The following WASHC2C variants were observed in gnomAD, a reference collection of about 807,000 sequenced individuals.
WASHC2C encodes WASH complex subunit 2C, also known as Vaccinia Penetration Factor.
A neutral mutation model predicts 142.2 loss-of-function variants in WASHC2C; 73 were observed. The observed-to-expected ratio is 0.51, with a 90% CI of 0.43 to 0.62. WASHC2C has a LOEUF of 0.62. Ranked by LOEUF, WASHC2C falls within the 20% of genes least tolerant of loss-of-function variation. The pLI is 0.00. For missense variants in WASHC2C, 969 were observed against 1,531.7 expected, an observed-to-expected ratio of 0.63 and a Z score of 6.13; for synonymous variants, 337 against 565.5, an observed-to-expected ratio of 0.60 and a Z score of 5.73.
intron 21 of WASHC2C, among the ~76,000 whole-genome samples, chr10:45,775,233 T>A (rs1407836487): frequency 1.3e-5 from 2 of 149,096 alleles, no homozygotes; most frequent in Non-Finnish European, 3.0e-5. Context: ...ACGCCTGTAA[T>A]CCCAACACTT....
At chr10:45,769,322 G>T in intron 19 of WASHC2C, 127 bp from the exon 20 acceptor site, 1 of 1,437,330 alleles carries the variant, frequency 7.0e-7, no homozygotes, top group South Asian at 1.3e-5. Context: ...GTTTCACCGT[G>T]TTAGCAAGGA....
At chr10:45,727,810 C>G (rs1456477253) in intron 2 of WASHC2C, among the ~76,000 whole-genome samples, 4 of 152,014 alleles carry the variant, frequency 2.6e-5, no homozygotes, top group Non-Finnish European at 5.9e-5. Context: ...TTCCGCCACA[C>G]TGAGGGATTG....
At chr10:45,758,447 G>A (rs1445194827) in intron 16 of WASHC2C, among the ~76,000 whole-genome samples, 1 of 151,974 alleles carries the variant, frequency 6.6e-6, no homozygotes, top group Non-Finnish European at 1.5e-5. Context: ...CTGTTAGCGG[G>A]CACAAACCAC....
At chr10:45,748,795 G>A (rs2053173974) in intron 8 of WASHC2C, among the ~76,000 whole-genome samples, 1 of 152,014 alleles carries the variant, frequency 6.6e-6, no homozygotes, top group African/African-American at 2.4e-5. Context: ...GTGTACCTTT[G>A]GAAAAATTAG....
intron 3 of WASHC2C, among the ~76,000 whole-genome samples, chr10:45,734,822 G>A (rs1201422422): frequency 2.0e-5 from 3 of 152,024 alleles, no homozygotes; most frequent in African/African-American, 7.2e-5. Flanking sequence ...CTGGGCTCAA[G>A]CCATCCTCCC....
intron 3 of WASHC2C, among the ~76,000 whole-genome samples, chr10:45,732,341 A>G (rs1397301138): frequency 6.6e-5 from 10 of 152,204 alleles, no homozygotes; most frequent in Non-Finnish European, 1.0e-4. Flanking sequence ...AGGGCAAGAG[A>G]AATTAGTACC....
chr10:45,735,990 C>T (rs2051178191), intron 3 of WASHC2C, among the ~76,000 whole-genome samples: 1 of 151,976 alleles, frequency 6.6e-6, no homozygotes, highest in Admixed American at 6.6e-5. Flanking sequence ...CAGTTTCAGC[C>T]AGGCACAATG....
At chr10:45,771,228 C>T (rs1487573113) in intron 20 of WASHC2C, among the ~76,000 whole-genome samples, 1 of 151,668 alleles carries the variant, frequency 6.6e-6, no homozygotes, top group Non-Finnish European at 1.5e-5. Flanking sequence ...AGCTGGGCGT[C>T]GTGTCACGCA....
rs1554873622 is a variant in WASHC2C at position 45,750,182 on chromosome 10, G to A, written c.819G>A (p.Glu273=). 6.2e-7 allele frequency: 1 copy of A among 1,611,252 alleles called. No homozygotes were observed. The highest frequency in any genetic ancestry group is 1.7e-5 in the Admixed American group (1 of 59,932). ...ADSEKEEEDI[E]DIEENTRPKR... is the part of the protein sequence containing the mutation. Reference sequence around the variant, plus strand: ...CTGAGAAGGAGGAGGAAGATATTGAGGACATTGAAGAAAATACTAGACCTG... The same window carrying A: ...CTGAGAAGGAGGAGGAAGATATTGAAGACATTGAAGAAAATACTAGACCTG... Residue 273 remains glutamate (E), a synonymous_variant, in exon 9 of 31, where the codon GAG becomes GAA. Transcript: ENST00000623400.
At chr10:45,758,199 G>C (rs2054569132) in intron 16 of WASHC2C, among the ~76,000 whole-genome samples, 1 of 152,258 alleles carries the variant, frequency 6.6e-6, no homozygotes, top group East Asian at 1.9e-4. Flanking sequence ...TGCACTTCCA[G>C]TTGGATCACC....
chr10:45,742,307 T>TTTA (rs2052185439), intron 5 of WASHC2C, among the ~76,000 whole-genome samples: 10 of 150,760 alleles, frequency 6.6e-5, no homozygotes, highest in Non-Finnish European at 1.3e-4. Context: ...TTATAATCTT[T>TTTA]TTTATTTATT....
At chr10:45,769,929 T>G (rs1454083571) in intron 20 of WASHC2C, among the ~76,000 whole-genome samples, 1 of 151,674 alleles carries the variant, frequency 6.6e-6, no homozygotes, top group African/African-American at 2.4e-5. Context: ...GTATGTCAGG[T>G]TTGGTCAGGA....
chr10:45,757,339 A>G (rs1554877774), intron 16 of WASHC2C, among the ~76,000 whole-genome samples, 200 bp downstream of exon 16: 1 of 148,188 alleles, frequency 6.7e-6, no homozygotes, highest in Non-Finnish European at 1.5e-5. Context: ...CAAACACTTT[A>G]TGGATGTAAA....
At chr10:45,757,994 A>G (rs1185179700) in intron 16 of WASHC2C, among the ~76,000 whole-genome samples, 1 of 152,164 alleles carries the variant, frequency 6.6e-6, no homozygotes, top group Non-Finnish European at 1.5e-5. Context: ...CAGGATTCGG[A>G]CAGTGTGTCT....
chr10:45,743,233 AT>A (rs1295514638), intron 5 of WASHC2C, among the ~76,000 whole-genome samples, 156 bp from the exon 6 acceptor site: 12 of 151,006 alleles, frequency 7.9e-5, no homozygotes, highest in East Asian at 1.9e-4. Flanking sequence ...GAAAAAAAGA[AT>A]TTTTTTTTTA....
At chr10:45,777,136 C>T in intron 21 of WASHC2C, 137 bp from the exon 22 acceptor site, 1 of 662,236 alleles carries the variant, frequency 1.5e-6, no homozygotes, top group South Asian at 1.9e-5. Context: ...GTGCTACCTT[C>T]ACTATCCTGT....
chr10:45,754,492 C>T lies in WASHC2C; in HGVS notation c.1187C>T (p.Ser396Leu). 1 of 1,593,972 alleles carries T rather than the reference C, an allele frequency of 6.3e-7. No individual in the cohort carries two copies. Among genetic ancestry groups the T allele is most frequent in the Non-Finnish European group, 8.5e-7 (1 of 1,169,604 alleles). Reference sequence around the variant, plus strand: ...CCTTGCTTTCTCATTCTAGAGTCTTCATCATCCAAACCTGGAAAGAAAATC... The same window carrying T: ...CCTTGCTTTCTCATTCTAGAGTCTTTATCATCCAAACCTGGAAAGAAAATC... Reference protein sequence around the residue: ...QAGASVKEESSSSKPGKKIPA... With the variant: ...QAGASVKEESLSSKPGKKIPA... The change falls in exon 14 of 31, where the codon TCA becomes TTA. Residue 396 changes from serine (S) to leucine (L), a missense_variant. Ser to Leu is a moderately radical substitution (Grantham distance 145, BLOSUM62 -2). Coordinates refer to ENST00000623400, the MANE Select transcript of WASHC2C (RefSeq NM_001330074.2).
At chr10:45,774,394 C>T (rs781946376) in intron 21 of WASHC2C, among the ~76,000 whole-genome samples, 112 of 762 alleles carry the variant, frequency 0.15, 12 homozygotes, top group East Asian at 0.54. Context: ...AAATAAACTA[C>T]TCTGGAGGAT....
intron 23 of WASHC2C, among the ~76,000 whole-genome samples, chr10:45,784,267 T>TATATATATATATATATATATACAC (rs1564819554): frequency 3.7e-3 from 21 of 5,650 alleles, no homozygotes; most frequent in African/African-American, 6.1e-3. Context: ...TATATATATA[T>TATATATATATATATATATATACAC]ATATATATAT....
Sources: gnomAD v4.1 joint callset for allele counts (sites outside exome capture counted in the v4.1 genomes callset) on GRCh38, gnomAD v4.1.1 for gene constraint, MANE v1.5 for transcripts, NCBI Gene and HGNC (gene_info 2026-07-23, HGNC 2026-07-21) for gene names.